Variants in FBRSL1 observed in about 807,000 individuals in gnomAD.
FBRSL1 encodes the protein fibrosin-1-like protein.
A neutral mutation model predicts 89.6 loss-of-function variants in FBRSL1; 51 were observed. The observed-to-expected ratio is 0.57, with a 90% CI of 0.45 to 0.72. The LOEUF (loss-of-function observed/expected upper bound fraction) is 0.72, where lower values mean the gene tolerates loss of function less well. FBRSL1 is among the 30% of genes least tolerant of loss of function. The pLI is 0.00. For synonymous variants in FBRSL1, 779 were observed against 681.1 expected (o/e 1.14, Z -2.24); for missense variants, 1,618 against 1,451.8 (o/e 1.11, Z -1.86).
intron 4 of FBRSL1, among the ~76,000 whole-genome samples, chr12:132,547,720 C>T (rs1356419702): frequency 6.6e-6 from 1 of 152,236 alleles, no homozygotes; most frequent in Non-Finnish European, 1.5e-5. Flanking sequence ...TCCTCTCGGG[C>T]TGCAGGGCCA....
At chr12:132,537,957 C>T (rs1202654273) in intron 4 of FBRSL1, among the ~76,000 whole-genome samples, 3 of 152,212 alleles carry the variant, frequency 2.0e-5, no homozygotes, top group Non-Finnish European at 4.4e-5. Flanking sequence ...GCAGTGGCCA[C>T]CACTGCACGG....
At chr12:132,500,273 C>T (rs1358257645) in intron 1 of FBRSL1, among the ~76,000 whole-genome samples, 3 of 152,154 alleles carry the variant, frequency 2.0e-5, no homozygotes, top group Non-Finnish European at 2.9e-5. Flanking sequence ...GCAGAGCAGC[C>T]GAGTGTGTCC....
intron 4 of FBRSL1, among the ~76,000 whole-genome samples, chr12:132,528,420 C>G (rs192488222): frequency 1.4e-4 from 22 of 152,282 alleles, no homozygotes; most frequent in Admixed American, 7.2e-4. Context: ...GTGTGAGCAG[C>G]CACCTCCAAT....
chr12:132,571,300 C>T (rs1163905126), intron 9 of FBRSL1, 69 bp downstream of exon 9: 7 of 1,526,762 alleles, frequency 4.6e-6, no homozygotes, highest in Admixed American at 2.0e-5. Context: ...CTCTTTTTCT[C>T]TTGTAGATCA....
At chr12:132,508,063 C>T (rs970913960) in intron 1 of FBRSL1, 90 bp from the exon 2 acceptor site, 3 of 1,380,926 alleles carry the variant, frequency 2.2e-6, no homozygotes, top group African/African-American at 3.0e-5. Context: ...TGGGGAGGCT[C>T]CTTCCCAAGA....
In FBRSL1 at chr12:132,568,094, G is replaced by A. The variant is rs766520237; in HGVS notation, c.691+568G>A. Reference sequence around the variant, plus strand: ...GTAACCTGTGGCTGTGAGCTGTGGGGCGGGGTGTCCACGGGCCAGCAACCC... The same window carrying A: ...GTAACCTGTGGCTGTGAGCTGTGGGACGGGGTGTCCACGGGCCAGCAACCC... On this transcript the variant is annotated intron_variant, in intron 6 of 18. Transcript: ENST00000680143. Among the ~76,000 whole-genome samples the A allele has an allele frequency of 6.1e-5, 9 of 148,024 alleles. No individual in the cohort carries two copies. The South Asian group carries it at 6.2e-4, about 10-fold the overall frequency.
chr12:132,515,028 G>A (rs4883571), intron 2 of FBRSL1, among the ~76,000 whole-genome samples: 50,533 of 151,932 alleles, frequency 0.33, 8,762 homozygotes, highest in Middle Eastern at 0.44. Flanking sequence ...AAGGCTGACA[G>A]CAGGGAGGTG....
chr12:132,506,691 G>T (rs985170881), intron 1 of FBRSL1, among the ~76,000 whole-genome samples: 2 of 152,388 alleles, frequency 1.3e-5, no homozygotes, highest in East Asian at 3.9e-4. Flanking sequence ...AGCAGATTGC[G>T]TCCACAGCTG....
chr12:132,569,961 C>A lies in FBRSL1; in HGVS notation c.727C>A (p.Pro243Thr). 1.4e-6 allele frequency: 2 copies of A among 1,436,578 alleles called. No homozygotes were observed. Among genetic ancestry groups the A allele is most frequent in the Admixed American group, 2.9e-5 (1 of 33,976 alleles). The allele number at this position is 1,436,578 out of a possible 1,614,324, so 89.0% of individuals were successfully genotyped here. Reference protein sequence around the residue: ...ALEKSEAKAGPVPKVSGLERS... With the variant: ...ALEKSEAKAGTVPKVSGLERS... ...TGAGAAGTCGGAGGCCAAGGCCGGG[C>A]CGGTGCCCAAGGTGTCAGGCCTGGA... Residue 243 changes from proline (P) to threonine (T), a missense_variant, in exon 7 of 19, where the codon CCG becomes ACG. By Grantham distance (38) the Pro-to-Thr change is conservative. Coordinates refer to ENST00000680143, the MANE Select transcript of FBRSL1 (RefSeq NM_001367871.1).
At chr12:132,574,589 G>A (rs374906256) in intron 14 of FBRSL1, 25 bp downstream of exon 14, 3 of 1,544,802 alleles carry the variant, frequency 1.9e-6, no homozygotes, top group East Asian at 2.4e-5. Context: ...GCTGGGGCAG[G>A]GCGCTTGTGA....
Position 132,583,823 on chromosome 12 carries a change from C to A in FBRSL1, c.*45C>A, listed in dbSNP as rs931446171. ...TCTCCGAGCGGAGCGCACCGCTGTC[C>A]GTCTCTCCATCAGTTCCTAGAACTC... is the stretch of plus-strand genomic sequence containing the variant. On this transcript the variant is annotated 3_prime_UTR_variant, in exon 19 of 19. Coordinates refer to ENST00000680143, the MANE Select transcript of FBRSL1 (RefSeq NM_001367871.1). 15 of 1,101,964 alleles carry A rather than the reference C, an allele frequency of 1.4e-5. No individual in the cohort carries two copies. In the South Asian group the frequency reaches 3.6e-4, roughly 26 times the overall value. The allele number at this position is 1,101,964 out of a possible 1,614,324, so 68.3% of individuals were successfully genotyped here. A position where few individuals can be genotyped will look rare whatever the true frequency, so the allele number is the denominator to read the frequency against.
At chr12:132,500,757 C>A (rs1421704486) in intron 1 of FBRSL1, among the ~76,000 whole-genome samples, 5 of 152,182 alleles carry the variant, frequency 3.3e-5, no homozygotes, top group Non-Finnish European at 5.9e-5. Context: ...TACAGGGAGC[C>A]CAGGCCCTGC....
intron 5 of FBRSL1, among the ~76,000 whole-genome samples, chr12:132,560,912 G>A (rs570272396): frequency 3.9e-5 from 6 of 152,340 alleles, no homozygotes; most frequent in South Asian, 2.1e-4. Context: ...TGGCCCCTGG[G>A]GCTGCCACCC....
Position 132,583,734 on chromosome 12 carries a change from G to A in FBRSL1, c.2965G>A (p.Asp989Asn), listed in dbSNP as rs2040960454. The A allele has an allele frequency of 2.5e-6, 3 of 1,216,010 alleles. No homozygotes were observed. The allele number at this position is 1,216,010 out of a possible 1,614,324, so 75.3% of individuals were successfully genotyped here. ...GGGCCTCGGGCCGGGCGAGGCGCGC[G>A]ACTACTCCCCGTCCCGAAATCCCCC... ...LGGLGPGEARDYSPSRNPPEV... is the reference protein window; with the variant it reads ...LGGLGPGEARNYSPSRNPPEV... The change falls in exon 19 of 19, where the codon GAC becomes AAC. Residue 989 changes from aspartate to asparagine, a missense_variant. By Grantham distance (23) the Asp-to-Asn change is conservative. Transcript: ENST00000680143.
chr12:132,562,110 C>T (rs560885397), intron 5 of FBRSL1, among the ~76,000 whole-genome samples: 9 of 152,196 alleles, frequency 5.9e-5, no homozygotes, highest in Non-Finnish European at 1.0e-4. Flanking sequence ...GTTTCCGATG[C>T]TGGGATGGTC....
At chr12:132,525,872 G>T in intron 3 of FBRSL1, 49 bp downstream of exon 3, 1 of 1,442,844 alleles carries the variant, frequency 6.9e-7, no homozygotes, top group Non-Finnish European at 9.5e-7. Context: ...TGGGCCGCCT[G>T]CCCGCTGCGC....
chr12:132,574,690 G>A, intron 14 of FBRSL1, 126 bp downstream of exon 14: 11 of 1,225,788 alleles, frequency 9.0e-6, no homozygotes, highest in Non-Finnish European at 1.2e-5. Context: ...TCACGCGTGA[G>A]CCGCCTGCCC....
At chr12:132,543,756 C>G (rs1405284239) in intron 4 of FBRSL1, among the ~76,000 whole-genome samples, 1 of 152,252 alleles carries the variant, frequency 6.6e-6, no homozygotes, top group Non-Finnish European at 1.5e-5. Flanking sequence ...TCTGTGAAAA[C>G]AGTGACACGC....
intron 1 of FBRSL1, among the ~76,000 whole-genome samples, chr12:132,501,386 G>A (rs2032934483): frequency 1.3e-5 from 2 of 152,202 alleles, no homozygotes; most frequent in South Asian, 2.1e-4. Flanking sequence ...CCATGGCTGA[G>A]GAAGAGGCTC....
Sources: gnomAD v4.1 joint callset for allele counts (sites outside exome capture counted in the v4.1 genomes callset) on GRCh38, gnomAD v4.1.1 for gene constraint, MANE v1.5 for transcripts, NCBI Gene and HGNC (gene_info 2026-07-23, HGNC 2026-07-21) for gene names.